Variants in DHX38 observed in about 807,000 individuals in gnomAD.
DHX38 encodes the protein pre-mRNA-splicing factor ATP-dependent RNA helicase PRP16.
A neutral mutation model predicts 153.1 loss-of-function variants in DHX38; 100 were observed. The observed-to-expected ratio is 0.65, with a 90% CI of 0.56 to 0.77. The LOEUF is 0.77. Among genes scored for constraint, DHX38 ranks in the 30% least tolerant of loss-of-function variants. The pLI is 0.00. For missense variants in DHX38, 1,440 were observed against 1,654.0 expected, an observed-to-expected ratio of 0.87 and a Z score of 2.24; for synonymous variants, 650 against 631.7, an observed-to-expected ratio of 1.03 and a Z score of -0.43.
At chr16:72,099,695 T>G in intron 7 of DHX38, 37 bp from the exon 8 acceptor site, 1 of 1,610,698 alleles carries the variant, frequency 6.2e-7, no homozygotes, top group Non-Finnish European at 8.5e-7. Flanking sequence ...AAACTTGATC[T>G]GTCCCTCACT....
Position 72,101,603 on chromosome 16 carries a change from T to C in DHX38, c.1490T>C (p.Val497Ala). 6.4e-7 allele frequency: 1 copy of C among 1,551,446 alleles called. No homozygotes were observed. Among genetic ancestry groups the C allele is most frequent in the Non-Finnish European group, 8.7e-7 (1 of 1,146,938 alleles). The change falls in exon 11 of 27, where the codon GTG (valine) becomes GCG (alanine). Residue 497 changes from valine (V) to alanine (A), a missense_variant. By Grantham distance (64) the Val-to-Ala change is moderately conservative. This residue lies in a region of DHX38 where 241 missense variants were observed against 229.5 expected (regional missense o/e 1.05). Transcript: ENST00000268482. ...PDKAVTEDGK[V>A]DYRTEQKFAD... Reference sequence around the variant, plus strand: ...AAAGCTGTGACGGAGGATGGGAAGGTGGACTACAGGTGGGCAGCCTCAGCC... The same window carrying C: ...AAAGCTGTGACGGAGGATGGGAAGGCGGACTACAGGTGGGCAGCCTCAGCC...
chr16:72,104,168 G>A lies in DHX38; in HGVS notation c.2010+37G>A, dbSNP rs780052691. 3.1e-6 allele frequency: 5 copies of A among 1,601,244 alleles called. No individual in the cohort carries two copies. The highest frequency in any genetic ancestry group is 4.3e-6 in the Non-Finnish European group (5 of 1,171,196). On this transcript the variant is annotated intron_variant, in intron 14 of 26. Coordinates refer to ENST00000268482, the MANE Select transcript of DHX38 (RefSeq NM_014003.4). This position sits in a 1 kb window ranked among gnomAD's most constrained non-coding sequence, Gnocchi z 4.5. Reference sequence around the variant, plus strand: ...GTGGTTTGGTCTCTCTGCGCATGGGGTGTTGACCAGTGCACCACCAGTAGC... The same window carrying A: ...GTGGTTTGGTCTCTCTGCGCATGGGATGTTGACCAGTGCACCACCAGTAGC...
intron 1 of DHX38, 67 bp from the exon 2 acceptor site, chr16:72,096,072 T>C: frequency 6.8e-7 from 1 of 1,473,662 alleles, no homozygotes; most frequent in South Asian, 1.3e-5. Context: ...TAACCATAAC[T>C]GCATTTATTG....
intron 25 of DHX38, 94 bp from the exon 26 acceptor site, chr16:72,110,862 A>C (rs1171917081): frequency 2.0e-6 from 3 of 1,470,362 alleles, no homozygotes; most frequent in Non-Finnish European, 2.7e-6. Flanking sequence ...TGGTGGATGC[A>C]GCACCTGGTT....
chr16:72,108,642 T>C (rs768500463), intron 23 of DHX38, 35 bp downstream of exon 23: 14 of 1,606,328 alleles, frequency 8.7e-6, no homozygotes, highest in Admixed American at 5.1e-5. Flanking sequence ...CCTCCCAGCC[T>C]GATACCTGTA....
Position 72,112,693 on chromosome 16 carries a change from G to A in DHX38, c.*196G>A. ...TTCTTCCATGCAGGAGCACGGCATGGCGGGAGCGGGGCTGCAGAGTATCCG... is the reference window on the plus strand; with the variant it reads ...TTCTTCCATGCAGGAGCACGGCATGACGGGAGCGGGGCTGCAGAGTATCCG... On this transcript the variant is annotated 3_prime_UTR_variant, in exon 27 of 27. Transcript: ENST00000268482. 1 of 721,376 alleles carries A rather than the reference G, an allele frequency of 1.4e-6. No individual in the cohort carries two copies. The highest frequency in any genetic ancestry group is 2.5e-6 in the Non-Finnish European group (1 of 401,890). The allele number at this position is 721,376 out of a possible 1,614,324, so 44.7% of individuals were successfully genotyped here. A position where few individuals can be genotyped will look rare whatever the true frequency, so the allele number is the denominator to read the frequency against.
In DHX38 at chr16:72,108,381, AG is replaced by A; in HGVS notation, c.3120+1del. On this transcript the variant is annotated frameshift_variant and splice_region_variant, in exon 22 of 27. Coordinates refer to ENST00000268482, the MANE Select transcript of DHX38 (RefSeq NM_014003.4). LOFTEE classifies it high-confidence loss of function. ...TTCATCCATGCTAAGGCCATGCGGAAGGTAGAGTGGTGGATGAGCAGGATGT... is the reference window on the plus strand; with the variant it reads ...TTCATCCATGCTAAGGCCATGCGGAAGTAGAGTGGTGGATGAGCAGGATGT... ...DHFIHAKAMR[K>X]VREVRAQLKD... is the part of the protein sequence containing the mutation. 6.2e-7 allele frequency: 1 copy of A among 1,614,148 alleles called. No homozygotes were observed. Among genetic ancestry groups the A allele is most frequent in the South Asian group, 1.1e-5 (1 of 91,066 alleles).
chr16:72,094,882 A>T (rs963971677), intron 1 of DHX38, among the ~76,000 whole-genome samples: 1 of 152,262 alleles, frequency 6.6e-6, no homozygotes, highest in African/African-American at 2.4e-5. Flanking sequence ...TTCCTAGTTT[A>T]GACAACTATT....
At chr16:72,100,271 G>C (rs1422672420) in intron 8 of DHX38, among the ~76,000 whole-genome samples, 165 bp from the exon 9 acceptor site, 1 of 152,110 alleles carries the variant, frequency 6.6e-6, no homozygotes, top group Non-Finnish European at 1.5e-5. Context: ...AGGTGATTTG[G>C]GATCAGCACC....
intron 11 of DHX38, among the ~76,000 whole-genome samples, chr16:72,102,464 C>T (rs2144150071): frequency 6.6e-6 from 1 of 152,170 alleles, no homozygotes; most frequent in South Asian, 2.1e-4. Flanking sequence ...TGCCAGGCAG[C>T]CTTGAGAAAG....
rs534046990 is a variant in DHX38, at chr16:72,110,587, C to T, written c.3478-369C>T. ...GCTTACCCCTTTTCGTAGCATAATT[C>T]TCCCCATACCAGGCTCCCTTGCATC... On this transcript the variant is annotated intron_variant, in intron 25 of 26. Transcript: ENST00000268482. Among the ~76,000 whole-genome samples, 6 of 152,354 alleles carry T rather than the reference C, an allele frequency of 3.9e-5. No individual in the cohort carries two copies. In the East Asian group the frequency reaches 1.2e-3, roughly 29 times the overall value.
chr16:72,109,736 C>G, intron 25 of DHX38: 1 of 388,698 alleles, frequency 2.6e-6, no homozygotes, highest in Middle Eastern at 5.9e-4. Flanking sequence ...TTGAAAAGTC[C>G]AAATATTCAT....
In DHX38 at chr16:72,103,638, G is replaced by T; in HGVS notation, c.1674G>T (p.Gly558=). The T allele has an allele frequency of 6.2e-7, 1 of 1,612,244 alleles. No homozygotes were observed. The highest frequency in any genetic ancestry group is 1.1e-5 in the South Asian group (1 of 91,046). ...TCGTGATCGTGGTTGGGGAGACGGG[G>T]AGTGGTAAGACCACTCAGCTGACGC... The part of the protein sequence containing the change: ...NSIVIVVGET[G]SGKTTQLTQY... Residue 558 remains glycine, a synonymous_variant, in exon 13 of 27, where the codon GGG becomes GGT. Coordinates refer to ENST00000268482, the MANE Select transcript of DHX38 (RefSeq NM_014003.4).
intron 11 of DHX38, among the ~76,000 whole-genome samples, chr16:72,101,852 G>A (rs1473623684): frequency 1.3e-5 from 2 of 152,174 alleles, no homozygotes; most frequent in Non-Finnish European, 2.9e-5. Flanking sequence ...GTGAGAGGAA[G>A]GAGGCCCAGG....
In DHX38 at chr16:72,099,735, G is replaced by A; in HGVS notation, c.964G>A (p.Ala322Thr). ...RQQWEDDQRQADRDWYMMDEG... is the reference protein window; with the variant it reads ...RQQWEDDQRQTDRDWYMMDEG... ...TGCTTTGCCTCCTGCCCTGCAGCAA[G>A]CCGATCGGGATTGGTACATGATGGA... The change falls in exon 8 of 27, where the codon GCC (alanine) becomes ACC (threonine). Residue 322 changes from alanine to threonine, a missense_variant. By Grantham distance (58) the Ala-to-Thr change is moderately conservative. Around this residue, in one of 6 missense-constraint regions of DHX38, gnomAD observed 483 missense variants for 465.1 expected, o/e 1.04. Transcript: ENST00000268482. 1 of 1,614,086 alleles carries A rather than the reference G, an allele frequency of 6.2e-7. No individual in the cohort carries two copies. Among genetic ancestry groups the A allele is most frequent in the Non-Finnish European group, 8.5e-7 (1 of 1,179,964 alleles).
At chr16:72,099,532 C>T (rs2042069185) in intron 7 of DHX38, among the ~76,000 whole-genome samples, 200 bp from the exon 8 acceptor site, 2 of 148,764 alleles carry the variant, frequency 1.3e-5, no homozygotes, top group South Asian at 4.3e-4. Flanking sequence ...TGATGGGCTG[C>T]CCTCCAGTCC....
At chr16:72,099,454 A>G (rs2042068072) in intron 7 of DHX38, among the ~76,000 whole-genome samples, 174 bp downstream of exon 7, 3 of 152,166 alleles carry the variant, frequency 2.0e-5, no homozygotes, top group African/African-American at 4.8e-5. Flanking sequence ...CACTCACTGC[A>G]GTAGGCTGAC....
In DHX38 at chr16:72,106,061, C is replaced by G. The variant is rs1160465271; in HGVS notation, c.2544C>G (p.Ala848=). 1 of 1,614,228 alleles carries G rather than the reference C, an allele frequency of 6.2e-7. No homozygotes were observed. The highest frequency in any genetic ancestry group is 1.7e-5 in the Admixed American group (1 of 60,032). The change falls in exon 19 of 27, where the codon GCC becomes GCG. Residue 848 remains alanine (A), a synonymous_variant. Transcript: ENST00000268482. ...TGCAGATCTATCCCATTAGCCAGGC[C>G]AATGCCAACCAGCGGTCAGGGCGAG... ...DALQIYPISQ[A]NANQRSGRAG...
Position 72,108,855 on chromosome 16 carries a change from C to G in DHX38, c.3311C>G (p.Thr1104Ser). 1.2e-6 allele frequency: 2 copies of G among 1,614,108 alleles called. No individual in the cohort carries two copies. Among genetic ancestry groups the G allele is most frequent in the Non-Finnish European group, 1.7e-6 (2 of 1,180,014 alleles). ...RTGMPCHLHPTSSLFGMGYTP... is the reference protein window; with the variant it reads ...RTGMPCHLHPSSSLFGMGYTP... ...GGGATGCCCTGCCACTTGCACCCCA[C>G]CAGCTCCCTTTTTGGAATGGGCTAC... The change falls in exon 24 of 27, where the codon ACC becomes AGC. Residue 1104 changes from threonine to serine, a missense_variant. By Grantham distance (58) the Thr-to-Ser change is moderately conservative. This residue lies in a region of DHX38 where 543 missense variants were observed against 717.9 expected (regional missense o/e 0.76). Coordinates refer to ENST00000268482, the MANE Select transcript of DHX38 (RefSeq NM_014003.4).
Sources: allele counts gnomAD v4.1 joint callset (sites outside exome capture counted in the v4.1 genomes callset), GRCh38; gene constraint gnomAD v4.1.1; regional missense constraint gnomAD v4.1.1; non-coding constraint Gnocchi (gnomAD v3.1); transcripts MANE v1.5; gene names NCBI Gene and HGNC (gene_info 2026-07-23, HGNC 2026-07-21).